Variants in ARL14EPL observed in about 807,000 individuals in gnomAD.
The protein encoded by ARL14EPL is ARF like GTPase 14 effector protein like.
A neutral mutation model predicts 15.9 loss-of-function variants in ARL14EPL; 17 were observed. The observed-to-expected ratio is 1.07, with a 90% CI of 0.73 to 1.60. The LOEUF (loss-of-function observed/expected upper bound fraction) is 1.60. ARL14EPL is among the 40% of genes most tolerant of loss of function. ARL14EPL has a pLI of 0.00. For missense variants in ARL14EPL, 214 were observed against 185.9 expected, an observed-to-expected ratio of 1.15 and a Z score of -0.88; for synonymous variants, 78 against 63.8, an observed-to-expected ratio of 1.22 and a Z score of -1.06.
At chr5:116,033,684 A>G (rs1266326658) in intron 1 of ARL14EPL, among the ~76,000 whole-genome samples, 1 of 152,220 alleles carries the variant, frequency 6.6e-6, no homozygotes, top group Non-Finnish European at 1.5e-5. Flanking sequence ...AAAAATGTAG[A>G]TCCTTGGATC....
At chr5:116,038,720 T>A (rs1178026074) in intron 1 of ARL14EPL, among the ~76,000 whole-genome samples, 3 of 151,802 alleles carry the variant, frequency 2.0e-5, no homozygotes, top group Non-Finnish European at 4.4e-5. Context: ...AGGGCGGGTG[T>A]GAAAAAGATG....
At chr5:116,039,439 C>A (rs1749107909) in intron 1 of ARL14EPL, among the ~76,000 whole-genome samples, 1 of 152,120 alleles carries the variant, frequency 6.6e-6, no homozygotes, top group Admixed American at 6.6e-5. Flanking sequence ...AAAAAAACTT[C>A]TCCATGAAAC....
chr5:116,047,246 C>T (rs542098720), intron 1 of ARL14EPL, among the ~76,000 whole-genome samples: 3 of 152,290 alleles, frequency 2.0e-5, no homozygotes, highest in Admixed American at 1.3e-4. Context: ...TCCTAGTATA[C>T]CCTTTGAGTG....
In ARL14EPL at chr5:116,054,091, A is replaced by G; in HGVS notation, c.174A>G (p.Thr58=). 1 of 1,535,878 alleles carries G rather than the reference A, an allele frequency of 6.5e-7. No individual in the cohort carries two copies. The highest frequency in any genetic ancestry group is 2.4e-5 in the East Asian group (1 of 40,892). ...AGGTAGCAGACTTTAATCCTGAAAC[A>G]AGGCAGCAGAAAAAGAAAGCCCGGA... ...GPQVADFNPE[T]RQQKKKARMS... The change falls in exon 3 of 4, where the codon ACA becomes ACG. Residue 58 remains threonine (T), a synonymous_variant. Coordinates refer to ENST00000686077, the MANE Select transcript of ARL14EPL (RefSeq NM_001195581.2).
chr5:116,058,184 C>T (rs1749564227), intron 3 of ARL14EPL, among the ~76,000 whole-genome samples: 1 of 151,998 alleles, frequency 6.6e-6, no homozygotes, highest in Non-Finnish European at 1.5e-5. Context: ...GAAGAAATGG[C>T]ACTTGGAGAC....
chr5:116,054,692 G>A (rs6897950), intron 3 of ARL14EPL, among the ~76,000 whole-genome samples: 11,497 of 152,038 alleles, frequency 0.076, 1,463 homozygotes, highest in African/African-American at 0.26. Flanking sequence ...TTAGCTGGGC[G>A]TGGTGGCACG....
At chr5:116,057,156 C>G (rs1749536600) in intron 3 of ARL14EPL, among the ~76,000 whole-genome samples, 1 of 152,140 alleles carries the variant, frequency 6.6e-6, no homozygotes. Context: ...AGCATATAAA[C>G]AGAACCAAAG....
intron 1 of ARL14EPL, among the ~76,000 whole-genome samples, chr5:116,033,544 GA>G (rs1218512251): frequency 2.0e-5 from 3 of 152,020 alleles, no homozygotes; most frequent in African/African-American, 7.2e-5. Flanking sequence ...TTTCACTGAA[GA>G]AAATCTAACT....
At chr5:116,052,129 A>G in intron 2 of ARL14EPL, 1 of 1,612,546 alleles carries the variant, frequency 6.2e-7, no homozygotes, top group East Asian at 2.2e-5. Flanking sequence ...TGTCATAGGT[A>G]GCTTTGTCAA....
intron 3 of ARL14EPL, among the ~76,000 whole-genome samples, chr5:116,055,622 T>C (rs886335894): frequency 1.3e-5 from 2 of 151,108 alleles, no homozygotes; most frequent in Non-Finnish European, 2.9e-5. Flanking sequence ...AACAAGGAAG[T>C]GACTTTATAT....
intron 2 of ARL14EPL, among the ~76,000 whole-genome samples, chr5:116,052,703 G>A (rs1210191517): frequency 6.6e-6 from 1 of 152,120 alleles, no homozygotes; most frequent in Non-Finnish European, 1.5e-5. Context: ...ACACCAAGAT[G>A]AAATTTAAAA....
chr5:116,048,696 C>A (rs1749317772), intron 1 of ARL14EPL, among the ~76,000 whole-genome samples: 1 of 151,920 alleles, frequency 6.6e-6, no homozygotes, highest in Non-Finnish European at 1.5e-5. Flanking sequence ...GATCCCTCGA[C>A]CAAAGTTACT....
At chr5:116,035,419 A>C (rs1411144005) in intron 1 of ARL14EPL, among the ~76,000 whole-genome samples, 2 of 152,220 alleles carry the variant, frequency 1.3e-5, no homozygotes, top group Non-Finnish European at 2.9e-5. Flanking sequence ...TAAGCTCAGA[A>C]TCTTATCTTG....
At chr5:116,056,626 T>G (rs897991265) in intron 3 of ARL14EPL, among the ~76,000 whole-genome samples, 2 of 152,206 alleles carry the variant, frequency 1.3e-5, no homozygotes, top group African/African-American at 4.8e-5. Context: ...TAGTTTCTTT[T>G]GCTGTGCAGA....
intron 1 of ARL14EPL, among the ~76,000 whole-genome samples, chr5:116,036,187 A>G (rs1749047245): frequency 6.6e-6 from 1 of 152,226 alleles, no homozygotes; most frequent in Admixed American, 6.5e-5. Flanking sequence ...GCAGAAGCAG[A>G]AGCTAGAATT....
At chr5:116,038,820 G>T (rs1280373746) in intron 1 of ARL14EPL, among the ~76,000 whole-genome samples, 1 of 152,194 alleles carries the variant, frequency 6.6e-6, no homozygotes. Flanking sequence ...GGACCCAGTT[G>T]TAAAAGAAAT....
intron 1 of ARL14EPL, among the ~76,000 whole-genome samples, chr5:116,045,198 T>C (rs1331409357): frequency 6.6e-6 from 1 of 152,222 alleles, no homozygotes; most frequent in Non-Finnish European, 1.5e-5. Flanking sequence ...TTGGAGTTCC[T>C]TTAATTCAGT....
At position 116,052,175 on chromosome 5, in the gene ARL14EPL, C is replaced by T; in HGVS notation, c.96+614C>T. Reference sequence around the variant, plus strand: ...GTTATTGAGCTTGTCCCGAACTTTGCCTTTGGACCACTTCTTCTTTTTGGC... The same window carrying T: ...GTTATTGAGCTTGTCCCGAACTTTGTCTTTGGACCACTTCTTCTTTTTGGC... On this transcript the variant is annotated intron_variant, in intron 2 of 3. Transcript: ENST00000686077. 1.9e-6 allele frequency: 3 copies of T among 1,609,598 alleles called. No individual in the cohort carries two copies. The South Asian group carries it at 3.3e-5, about 18-fold the overall frequency.
intron 1 of ARL14EPL, among the ~76,000 whole-genome samples, chr5:116,036,947 T>C (rs1749059614): frequency 1.3e-5 from 2 of 152,156 alleles, no homozygotes; most frequent in African/African-American, 4.8e-5. Flanking sequence ...TTTTTTTGCT[T>C]TTTATATGTT....
Sources: allele counts gnomAD v4.1 joint callset (sites outside exome capture counted in the v4.1 genomes callset), GRCh38; gene constraint gnomAD v4.1.1; transcripts MANE v1.5; gene names NCBI Gene and HGNC (gene_info 2026-07-23, HGNC 2026-07-21).